CDC42BPB: variants seen among roughly 807,000 people sequenced by gnomAD.
CDC42BPB encodes the protein CDC42 binding protein kinase beta.
In CDC42BPB, 37 loss-of-function variants were observed where a neutral mutation model predicts 214.9. The ratio of observed to expected loss-of-function variants is 0.17; its 90% CI spans 0.13 to 0.23. CDC42BPB has a LOEUF of 0.23. Among genes scored for constraint, CDC42BPB ranks in the 10% least tolerant of loss-of-function variants. CDC42BPB has a pLI of 1.00. For synonymous variants in CDC42BPB, 931 were observed against 884.0 expected, an observed-to-expected ratio of 1.05 and a Z score of -0.94; for missense variants, 1,694 against 2,227.0, an observed-to-expected ratio of 0.76 and a Z score of 4.82.
intron 6 of CDC42BPB, 23 bp downstream of exon 6, chr14:102,986,464 A>C: frequency 6.3e-7 from 1 of 1,590,900 alleles, no homozygotes; most frequent in Non-Finnish European, 8.6e-7. Context: ...ACCAAATGGA[A>C]AATCTCCAAC....
At chr14:102,974,925 G>C (rs1024615798) in intron 11 of CDC42BPB, among the ~76,000 whole-genome samples, 1 of 152,182 alleles carries the variant, frequency 6.6e-6, no homozygotes, top group African/African-American at 2.4e-5. Flanking sequence ...CAGCCTGGGT[G>C]ACAGAGTGAG....
intron 1 of CDC42BPB, among the ~76,000 whole-genome samples, chr14:103,017,923 C>G (rs1444629362): frequency 6.6e-6 from 1 of 152,236 alleles, no homozygotes; most frequent in Non-Finnish European, 1.5e-5. Context: ...ATATCCCTGT[C>G]TGCAGGAAAT....
At chr14:103,045,758 G>C (rs1269800550) in intron 1 of CDC42BPB, among the ~76,000 whole-genome samples, 2 of 152,172 alleles carry the variant, frequency 1.3e-5, no homozygotes, top group Non-Finnish European at 2.9e-5. Context: ...ACTTCGTGCA[G>C]AGTTGAGAGC....
rs775637225 is a variant in CDC42BPB, at chr14:102,944,501, G to A, written c.3812-14C>T. ...CACGGACGATCACTGTGGCAAGGAGGACAAGAGCGTGAGGCCGACGGGACA... is the reference window on the plus strand; with the variant it reads ...CACGGACGATCACTGTGGCAAGGAGAACAAGAGCGTGAGGCCGACGGGACA... On this transcript the variant is annotated splice_polypyrimidine_tract_variant and intron_variant, in intron 29 of 36. Coordinates refer to ENST00000361246, the MANE Select transcript of CDC42BPB (RefSeq NM_006035.4). The surrounding 1 kb of genome is among the most constrained non-coding windows in gnomAD (Gnocchi z 6.6). 2 of 1,602,458 alleles carry A rather than the reference G, an allele frequency of 1.2e-6. No individual in the cohort carries two copies. The highest frequency in any genetic ancestry group is 1.3e-5 in the African/African-American group (1 of 74,754).
chr14:102,990,550 G>A (rs1245339573), intron 5 of CDC42BPB, among the ~76,000 whole-genome samples: 4 of 152,194 alleles, frequency 2.6e-5, no homozygotes, highest in Non-Finnish European at 5.9e-5. Flanking sequence ...AGTATGCACA[G>A]GTAGACGTGT....
intron 1 of CDC42BPB, among the ~76,000 whole-genome samples, chr14:103,017,293 G>A (rs944963464): frequency 1.3e-5 from 2 of 152,264 alleles, no homozygotes; most frequent in African/African-American, 4.8e-5. Flanking sequence ...CTGCACTCCA[G>A]GCTGGACAAC....
chr14:102,975,349 C>A (rs1893688703), intron 11 of CDC42BPB, among the ~76,000 whole-genome samples: 1 of 152,166 alleles, frequency 6.6e-6, no homozygotes. Context: ...CATGGTGAAA[C>A]CCTGTCTCTA....
chr14:102,959,620 C>T lies in CDC42BPB; in HGVS notation c.2901+11G>A, dbSNP rs762160219. On this transcript the variant is annotated intron_variant, in intron 21 of 36. Transcript: ENST00000361246. ...ACTCATCTGTCACTTAAAAAAAAAA[C>T]AATGACTTACTCTAAATGTCAGGTC... 2 of 1,532,410 alleles carry T rather than the reference C, an allele frequency of 1.3e-6. No individual in the cohort carries two copies. Among genetic ancestry groups the T allele is most frequent in the African/African-American group, 2.8e-5 (2 of 71,410 alleles). 94.9% of individuals were successfully genotyped at this position (1,532,410 alleles called of 1,614,324 possible).
chr14:102,938,093 G>T lies in CDC42BPB; in HGVS notation c.5004+11C>A. 1 of 1,613,584 alleles carries T rather than the reference G, an allele frequency of 6.2e-7. No individual in the cohort carries two copies. Among genetic ancestry groups the T allele is most frequent in the Non-Finnish European group, 8.5e-7 (1 of 1,179,764 alleles). On this transcript the variant is annotated intron_variant, in intron 36 of 36. Transcript: ENST00000361246. The stretch of plus-strand genomic sequence containing the variant: ...CTCATAGCCTCAGCACTGGACCTGG[G>T]CAAGTCTCACCTCTTTGTCAAAGTC...
chr14:103,018,207 A>G (rs1373266546), intron 1 of CDC42BPB, among the ~76,000 whole-genome samples: 2 of 152,130 alleles, frequency 1.3e-5, no homozygotes, highest in Non-Finnish European at 2.9e-5. Context: ...ATGCTCACTC[A>G]TCTCCTGCCG....
chr14:103,032,618 A>G (rs1284461535), intron 1 of CDC42BPB, among the ~76,000 whole-genome samples: 1 of 148,946 alleles, frequency 6.7e-6, no homozygotes, highest in East Asian at 1.9e-4. Context: ...AAATGCCTAT[A>G]AAACAAATCC....
chr14:102,952,607 G>C lies in CDC42BPB; in HGVS notation c.3067-4C>G. 1 of 1,612,674 alleles carries C rather than the reference G, an allele frequency of 6.2e-7. No homozygotes were observed. The highest frequency in any genetic ancestry group is 2.2e-5 in the East Asian group (1 of 44,878). On this transcript the variant is annotated splice_region_variant and splice_polypyrimidine_tract_variant and intron_variant, in intron 23 of 36. Transcript: ENST00000361246. The stretch of plus-strand genomic sequence containing the variant: ...TGCTGAACTGGTGAGCTTTTGGCTG[G>C]AAGGAGAAAATCAAGAACACTGAGG...
intron 1 of CDC42BPB, chr14:103,041,874 A>G: frequency 2.4e-6 from 1 of 423,756 alleles, no homozygotes; most frequent in Non-Finnish European, 4.6e-6. Context: ...CCAGGAAGGG[A>G]GACAGTTCTG....
At chr14:102,967,745 A>C (rs1022359134) in intron 16 of CDC42BPB, among the ~76,000 whole-genome samples, 1 of 152,260 alleles carries the variant, frequency 6.6e-6, no homozygotes, top group African/African-American at 2.4e-5. Context: ...CCTGTTGTAC[A>C]CACAGTCTAT....
intron 1 of CDC42BPB, among the ~76,000 whole-genome samples, chr14:103,024,384 A>G (rs1025844182): frequency 6.6e-6 from 1 of 152,304 alleles, no homozygotes; most frequent in Non-Finnish European, 1.5e-5. Flanking sequence ...ATAACAAAGT[A>G]CAGTGATTAA....
chr14:103,042,588 G>A (rs1888066585), intron 1 of CDC42BPB, among the ~76,000 whole-genome samples: 1 of 152,176 alleles, frequency 6.6e-6, no homozygotes, highest in Non-Finnish European at 1.5e-5. Flanking sequence ...AGGATTACAG[G>A]CGTGAGCCAC....
chr14:103,029,814 G>A (rs1451742693), intron 1 of CDC42BPB, among the ~76,000 whole-genome samples: 5 of 136,502 alleles, frequency 3.7e-5, no homozygotes, highest in East Asian at 2.1e-4. Context: ...AGCCGAGATC[G>A]CGCCACTGCA....
intron 5 of CDC42BPB, among the ~76,000 whole-genome samples, chr14:102,995,640 A>T (rs940882023): frequency 6.6e-6 from 1 of 152,214 alleles, no homozygotes; most frequent in Non-Finnish European, 1.5e-5. Flanking sequence ...CCAGCTGCGG[A>T]AACCAGGCAG....
intron 5 of CDC42BPB, among the ~76,000 whole-genome samples, chr14:102,992,692 T>C (rs968573200): frequency 6.6e-6 from 1 of 151,610 alleles, no homozygotes; most frequent in Admixed American, 6.6e-5. Flanking sequence ...ACACAAAATC[T>C]TTAAGTCTGA....
Sources: allele counts gnomAD v4.1 joint callset (sites outside exome capture counted in the v4.1 genomes callset), GRCh38; gene constraint gnomAD v4.1.1; non-coding constraint Gnocchi (gnomAD v3.1); transcripts MANE v1.5; gene names NCBI Gene and HGNC (gene_info 2026-07-23, HGNC 2026-07-21).